CEP126: variants seen among roughly 807,000 people sequenced by gnomAD.
CEP126 encodes the protein centrosomal protein 126.
CEP126 carries 74 observed loss-of-function variants against 107.8 expected under a neutral mutation model. The ratio of observed to expected loss-of-function variants is 0.69; its 90% CI spans 0.57 to 0.83. CEP126 has a LOEUF of 0.83. Among genes scored for constraint, CEP126 ranks in the 40% least tolerant of loss-of-function variants. The pLI, the probability that CEP126 is intolerant of heterozygous loss-of-function variation, is 0.00. For missense variants in CEP126, 1,237 were observed against 1,281.9 expected (o/e 0.96, Z 0.53); for synonymous variants, 449 against 446.0 (o/e 1.01, Z -0.08).
chr11:101,937,745 T>C (rs1940603608), intron 2 of CEP126, among the ~76,000 whole-genome samples: 1 of 152,206 alleles, frequency 6.6e-6, no homozygotes, highest in Non-Finnish European at 1.5e-5. Context: ...ATAATATATC[T>C]GAACCTAGAG....
intron 2 of CEP126, among the ~76,000 whole-genome samples, chr11:101,933,082 T>G (rs998988351): frequency 1.3e-5 from 2 of 152,214 alleles, no homozygotes; most frequent in Non-Finnish European, 2.9e-5. Context: ...GGCTCTGCAC[T>G]CAGTGAACTT....
At chr11:101,938,401 A>ATT (rs199954098) in intron 2 of CEP126, among the ~76,000 whole-genome samples, 3 of 113,064 alleles carry the variant, frequency 2.7e-5, no homozygotes, top group Non-Finnish European at 3.9e-5. Flanking sequence ...TGTTTTCTCT[A>ATT]TTTTTTTTTT....
Position 101,944,317 on chromosome 11 carries a change from G to A in CEP126, c.301G>A (p.Glu101Lys). The change falls in exon 3 of 11, where the codon GAA becomes AAA. Residue 101 changes from glutamate (E) to lysine (K), a missense_variant. By Grantham distance (56) the Glu-to-Lys change is moderately conservative. Around this residue, in one of 3 missense-constraint regions of CEP126, gnomAD observed 1,134 missense variants for 1,150.5 expected, o/e 0.99. Transcript: ENST00000263468. ...GGAAGAAAAAGAACACCAAATTAGA[G>A]AACAAATACTTCAACAAAGAAAACA... ...EQEEKEHQIR[E>K]QILQQRKQKF... 6.2e-7 allele frequency: 1 copy of A among 1,611,120 alleles called. No individual in the cohort carries two copies. Among genetic ancestry groups the A allele is most frequent in the Non-Finnish European group, 8.5e-7 (1 of 1,178,890 alleles).
At position 101,997,805 on chromosome 11, in the gene CEP126, A is replaced by T. The variant is rs1322293986; in HGVS notation, c.*162A>T. On this transcript the variant is annotated 3_prime_UTR_variant, in exon 11 of 11. Transcript: ENST00000263468. ...AGCAGTGAAGTTTAACAGAGCAGTG[A>T]CATTTAACAAAGCAGTGAAGTTTAA... The T allele has an allele frequency of 2.3e-6, 2 of 884,410 alleles. No homozygotes were observed. The highest frequency in any genetic ancestry group is 3.4e-5 in the African/African-American group (2 of 59,552). The allele number at this position is 884,410 out of a possible 1,614,324, so 54.8% of individuals were successfully genotyped here. A position where few individuals can be genotyped will look rare whatever the true frequency, so the allele number is the denominator to read the frequency against.
intron 4 of CEP126, among the ~76,000 whole-genome samples, chr11:101,950,055 T>C (rs183416828): frequency 6.6e-6 from 1 of 152,288 alleles, no homozygotes; most frequent in Admixed American, 6.5e-5. Flanking sequence ...TCATTCAGTC[T>C]CTTGGAGCAG....
intron 6 of CEP126, among the ~76,000 whole-genome samples, chr11:101,968,068 G>T (rs1291011807): frequency 6.6e-6 from 1 of 152,174 alleles, no homozygotes; most frequent in Admixed American, 6.5e-5. Flanking sequence ...AGGATGCAGT[G>T]TCAATGAGTA....
At chr11:101,939,267 T>TA (rs1158967912) in intron 2 of CEP126, among the ~76,000 whole-genome samples, 3 of 152,218 alleles carry the variant, frequency 2.0e-5, no homozygotes, top group Non-Finnish European at 4.4e-5. Flanking sequence ...ATTGGGTTCA[T>TA]ACATCTTTAT....
intron 8 of CEP126, among the ~76,000 whole-genome samples, chr11:101,986,212 AC>A (rs1941315073): frequency 4.6e-5 from 7 of 152,060 alleles, no homozygotes; most frequent in Admixed American, 4.6e-4. Flanking sequence ...TGAACTCCTG[AC>A]CTCAAGTGAT....
At chr11:101,917,817 A>G (rs115899600) in intron 1 of CEP126, among the ~76,000 whole-genome samples, 1,814 of 152,248 alleles carry the variant, frequency 0.012, 35 homozygotes, top group African/African-American at 0.042. Context: ...TCAGCCACTC[A>G]ATAACTACTA....
chr11:101,949,649 A>G (rs983575338), intron 4 of CEP126, among the ~76,000 whole-genome samples: 24 of 152,184 alleles, frequency 1.6e-4, no homozygotes, highest in African/African-American at 5.6e-4. Context: ...GGGAAAAAAA[A>G]TAGTTTACAG....
rs1940981492 is a variant in CEP126 at position 101,962,054 on chromosome 11, G to A, written c.1019G>A (p.Trp340Ter). 6.2e-7 allele frequency: 1 copy of A among 1,612,914 alleles called. No homozygotes were observed. The highest frequency in any genetic ancestry group is 8.5e-7 in the Non-Finnish European group (1 of 1,179,412). The change falls in exon 6 of 11, where the codon TGG becomes TAG. Residue 340 changes from tryptophan to a stop codon, truncating the protein, a stop_gained. Transcript: ENST00000263468. LOFTEE classifies it high-confidence loss of function. The stretch of plus-strand genomic sequence containing the variant: ...AGTAAATCTAATGTTCTGCCTTCAT[G>A]GGAATATTTTAATAGTAAAGAACAA... ...ILSKSNVLPS[W>*]EYFNSKEQNP...
chr11:101,942,869 C>CT (rs1480338985), intron 2 of CEP126, among the ~76,000 whole-genome samples: 2 of 151,866 alleles, frequency 1.3e-5, no homozygotes, highest in East Asian at 1.9e-4. Context: ...CATTTTTATG[C>CT]TATTGTAAAC....
At chr11:101,960,386 C>T (rs761142040) in intron 5 of CEP126, among the ~76,000 whole-genome samples, 21 of 152,138 alleles carry the variant, frequency 1.4e-4, no homozygotes, top group Admixed American at 4.6e-4. Context: ...GATCTTCTAA[C>T]GCAAATTTCT....
chr11:101,937,398 G>A (rs1342389403), intron 2 of CEP126, among the ~76,000 whole-genome samples: 2 of 152,172 alleles, frequency 1.3e-5, no homozygotes, highest in Non-Finnish European at 1.5e-5. Context: ...TAGCATCACC[G>A]GAATACCTGT....
intron 3 of CEP126, among the ~76,000 whole-genome samples, chr11:101,946,040 A>T (rs947415023): frequency 6.6e-6 from 1 of 152,148 alleles, no homozygotes; most frequent in Non-Finnish European, 1.5e-5. Context: ...GACTAGTAGG[A>T]TACTATTTAA....
intron 2 of CEP126, among the ~76,000 whole-genome samples, chr11:101,939,206 C>G (rs1940633268): frequency 6.6e-6 from 1 of 152,052 alleles, no homozygotes; most frequent in Non-Finnish European, 1.5e-5. Flanking sequence ...GTGGATTTGT[C>G]CATTTCTATC....
In CEP126 at chr11:101,992,840, C is replaced by A; in HGVS notation, c.3307C>A (p.Leu1103Met). The change falls in exon 10 of 11, where the codon CTG becomes ATG. Residue 1103 changes from leucine (L) to methionine (M), a missense_variant and splice_region_variant. Physicochemically the swap from Leu to Met is conservative, Grantham distance 15 (BLOSUM62 2). Coordinates refer to ENST00000263468, the MANE Select transcript of CEP126 (RefSeq NM_020802.4). Reference sequence around the variant, plus strand: ...AAATACTTTACAAATAATACCACTTCTGGTAAGTATTTGAAGAAGCTCTTT... The same window carrying A: ...AAATACTTTACAAATAATACCACTTATGGTAAGTATTTGAAGAAGCTCTTT... ...IKNTLQIIPL[L>M]EKREDRTSSC... is the part of the protein sequence containing the mutation. The A allele has an allele frequency of 6.5e-7, 1 of 1,531,356 alleles. No individual in the cohort carries two copies. 94.9% of individuals were successfully genotyped at this position (1,531,356 alleles called of 1,614,324 possible).
chr11:101,965,584 T>A (rs1170547578), intron 6 of CEP126, among the ~76,000 whole-genome samples: 1 of 152,196 alleles, frequency 6.6e-6, no homozygotes, highest in Non-Finnish European at 1.5e-5. Flanking sequence ...TATCCAGTCA[T>A]TTCAGAATGT....
At chr11:101,983,967 G>A (rs1358432552) in intron 8 of CEP126, among the ~76,000 whole-genome samples, 1 of 152,184 alleles carries the variant, frequency 6.6e-6, no homozygotes, top group Non-Finnish European at 1.5e-5. Context: ...TTATATCAGG[G>A]AAGCTGGATT....
Sources: allele counts gnomAD v4.1 joint callset (sites outside exome capture counted in the v4.1 genomes callset), GRCh38; gene constraint gnomAD v4.1.1; regional missense constraint gnomAD v4.1.1; transcripts MANE v1.5; gene names NCBI Gene and HGNC (gene_info 2026-07-23, HGNC 2026-07-21).